The following LHFPL6 variants were observed in gnomAD, a reference collection of about 807,000 sequenced individuals.
LHFPL6 encodes the protein LHFPL tetraspan subfamily member 6 protein.
Under a neutral mutation model 20.6 loss-of-function variants are expected in LHFPL6, and 9 were observed. The observed-to-expected ratio is 0.44, with a 90% CI of 0.26 to 0.76. The LOEUF (loss-of-function observed/expected upper bound fraction) is 0.76. Ranked by LOEUF, LHFPL6 falls within the 30% of genes least tolerant of loss-of-function variation. The pLI, the probability that LHFPL6 is intolerant of heterozygous loss-of-function variation, is 0.20. For missense variants in LHFPL6, 218 were observed against 253.5 expected, an observed-to-expected ratio of 0.86 and a Z score of 0.95; for synonymous variants, 105 against 98.7, an observed-to-expected ratio of 1.06 and a Z score of -0.38.
intron 2 of LHFPL6, among the ~76,000 whole-genome samples, chr13:39,455,481 C>A (rs2182780): frequency 0.42 from 63,210 of 152,082 alleles, 15,254 homozygotes; most frequent in Non-Finnish European, 0.54. Context: ...CATTTGAATA[C>A]CAAATCCCAT....
At chr13:39,451,060 G>C (rs1358916625) in intron 2 of LHFPL6, among the ~76,000 whole-genome samples, 1 of 152,146 alleles carries the variant, frequency 6.6e-6, no homozygotes, top group African/African-American at 2.4e-5. Context: ...CTCTCCGGAA[G>C]ATAGCTGGAT....
chr13:39,592,479 A>T (rs1434125677), intron 2 of LHFPL6, among the ~76,000 whole-genome samples: 1 of 152,234 alleles, frequency 6.6e-6, no homozygotes, highest in Non-Finnish European at 1.5e-5. Flanking sequence ...GGCAATAATT[A>T]ATAGCTTACC....
At chr13:39,527,868 A>G (rs186908184) in intron 2 of LHFPL6, among the ~76,000 whole-genome samples, 2 of 152,336 alleles carry the variant, frequency 1.3e-5, no homozygotes, top group Admixed American at 1.3e-4. Context: ...TATACATTTG[A>G]GAACTTCTAG....
intron 2 of LHFPL6, among the ~76,000 whole-genome samples, chr13:39,538,362 A>C (rs1870692436): frequency 6.6e-6 from 1 of 151,122 alleles, no homozygotes; most frequent in Admixed American, 6.6e-5. Context: ...TAGTGACACA[A>C]ATCTTCAGAT....
chr13:39,451,242 TAA>T (rs1376521997), intron 2 of LHFPL6, among the ~76,000 whole-genome samples: 1 of 152,208 alleles, frequency 6.6e-6, no homozygotes, highest in Middle Eastern at 3.2e-3. Flanking sequence ...AAGATACTAT[TAA>T]GTTTGTTCAT....
chr13:39,561,614 C>T lies in LHFPL6; in HGVS notation c.385+39218G>A, dbSNP rs117202459. Among the ~76,000 whole-genome samples, 28 of 152,304 alleles carry T rather than the reference C, an allele frequency of 1.8e-4. No individual in the cohort carries two copies. In the East Asian group the frequency reaches 5.2e-3, roughly 28 times the overall value. ...AGTAGCTGGAATCATAGGCACAAGC[C>T]GCCATGTCTGCTTTGTTTGTTTGGT... On this transcript the variant is annotated intron_variant, in intron 2 of 3. Coordinates refer to ENST00000379589, the MANE Select transcript of LHFPL6 (RefSeq NM_005780.3).
chr13:39,472,211 C>T (rs1387055489), intron 2 of LHFPL6, among the ~76,000 whole-genome samples: 1 of 152,180 alleles, frequency 6.6e-6, no homozygotes, highest in Non-Finnish European at 1.5e-5. Flanking sequence ...ATATATACTA[C>T]CCGGCCATTG....
chr13:39,441,156 T>G (rs1192986280), intron 2 of LHFPL6, among the ~76,000 whole-genome samples: 1 of 145,914 alleles, frequency 6.9e-6, no homozygotes, highest in East Asian at 2.0e-4. Context: ...TTTTTTTTTT[T>G]TTTTTTTTTT....
chr13:39,458,693 TAAAA>T (rs60626867), intron 2 of LHFPL6, among the ~76,000 whole-genome samples: 3 of 97,646 alleles, frequency 3.1e-5, no homozygotes, highest in East Asian at 2.4e-4. Flanking sequence ...ATACCCTGCC[TAAAA>T]AAAAAAAAAA....
intron 2 of LHFPL6, among the ~76,000 whole-genome samples, chr13:39,587,049 C>T (rs543686494): frequency 6.6e-6 from 1 of 152,172 alleles, no homozygotes; most frequent in African/African-American, 2.4e-5. Context: ...CCCAGCTACT[C>T]AGGAGGCTGC....
At position 39,560,504 on chromosome 13, in the gene LHFPL6, CT is replaced by C. The variant is rs376446144; in HGVS notation, c.385+40327del. Among the ~76,000 whole-genome samples the C allele has an allele frequency of 8.8e-3, 1,045 of 118,140 alleles. 9 individuals carry two copies. Among genetic ancestry groups the C allele is most frequent in the African/African-American group, 0.03 (956 of 32,088 alleles). The allele number at this position is 118,140 out of a possible 152,430, so 77.5% of individuals were successfully genotyped here. On this transcript the variant is annotated intron_variant, in intron 2 of 3. Coordinates refer to ENST00000379589, the MANE Select transcript of LHFPL6 (RefSeq NM_005780.3). ...ATCTCCTTTGGGTTATGCAAATTCT[CT>C]TTTTTTTTTTTTTTTTTTTCTTTTT...
chr13:39,427,666 T>G (rs1048096062), intron 2 of LHFPL6, among the ~76,000 whole-genome samples: 1 of 152,222 alleles, frequency 6.6e-6, no homozygotes, highest in South Asian at 2.1e-4. Context: ...TTACACATTA[T>G]TGGATATGAC....
At chr13:39,413,775 A>G (rs1348448694) in intron 2 of LHFPL6, among the ~76,000 whole-genome samples, 1 of 152,204 alleles carries the variant, frequency 6.6e-6, no homozygotes, top group East Asian at 1.9e-4. Context: ...AACTTTACAA[A>G]CATTAAAAAG....
At chr13:39,347,447 G>C (rs1038221914) in intron 3 of LHFPL6, among the ~76,000 whole-genome samples, 3 of 152,226 alleles carry the variant, frequency 2.0e-5, no homozygotes, top group Non-Finnish European at 4.4e-5. Context: ...CATTTTAAGA[G>C]TAACTCGTGT....
chr13:39,571,785 T>G (rs1336657839), intron 2 of LHFPL6, among the ~76,000 whole-genome samples: 1 of 152,230 alleles, frequency 6.6e-6, no homozygotes, highest in Non-Finnish European at 1.5e-5. Flanking sequence ...TCTGGGGCTT[T>G]GGGGTCATGG....
chr13:39,502,348 A>G (rs534994713), intron 2 of LHFPL6, among the ~76,000 whole-genome samples: 1 of 152,222 alleles, frequency 6.6e-6, no homozygotes, highest in African/African-American at 2.4e-5. Flanking sequence ...GCCAGGCACA[A>G]TGGCTCACAC....
intron 3 of LHFPL6, among the ~76,000 whole-genome samples, chr13:39,356,186 T>C (rs1260417120): frequency 3.3e-5 from 5 of 152,150 alleles, no homozygotes. Context: ...TCTCTGACCA[T>C]ACTGAAATAA....
rs137935293 is a variant in LHFPL6, at chr13:39,581,498, C to T, written c.385+19334G>A. The stretch of plus-strand genomic sequence containing the variant: ...AACGAACTGACTTTCTTCCACCAGG[C>T]GATCAAAATAGAATACCATCTTTAT... On this transcript the variant is annotated intron_variant, in intron 2 of 3. Coordinates refer to ENST00000379589, the MANE Select transcript of LHFPL6 (RefSeq NM_005780.3). Among the ~76,000 whole-genome samples, 370 of 139,354 alleles carry T rather than the reference C, an allele frequency of 2.7e-3. 2 individuals carry two copies. Among genetic ancestry groups the T allele is most frequent in the Admixed American group, 0.011 (149 of 13,088 alleles). The allele number at this position is 139,354 out of a possible 152,430, so 91.4% of individuals were successfully genotyped here.
At chr13:39,569,040 G>A (rs945957138) in intron 2 of LHFPL6, among the ~76,000 whole-genome samples, 2 of 152,132 alleles carry the variant, frequency 1.3e-5, no homozygotes, top group African/African-American at 2.4e-5. Context: ...AATAAGACCC[G>A]TGAGGGCAGC....
Sources: gnomAD v4.1 joint callset for allele counts (sites outside exome capture counted in the v4.1 genomes callset) on GRCh38, gnomAD v4.1.1 for gene constraint, MANE v1.5 for transcripts, NCBI Gene and HGNC (gene_info 2026-07-23, HGNC 2026-07-21) for gene names.